NKAIN2: variants seen among roughly 807,000 people sequenced by gnomAD.
The protein encoded by NKAIN2 is sodium/potassium transporting ATPase interacting 2.
Under a neutral mutation model 32.6 loss-of-function variants are expected in NKAIN2, and 14 were observed. The observed-to-expected ratio is 0.43, with a 90% CI of 0.28 to 0.67. NKAIN2 has a LOEUF of 0.67. NKAIN2 is among the 30% of genes least tolerant of loss of function. The pLI, the probability that NKAIN2 is intolerant of heterozygous loss-of-function variation, is 0.17. For synonymous variants in NKAIN2, 80 were observed against 87.2 expected (o/e 0.92, Z 0.46); for missense variants, 198 against 258.3 (o/e 0.77, Z 1.60).
At chr6:124,172,032 T>C (rs999653280) in intron 1 of NKAIN2, among the ~76,000 whole-genome samples, 1 of 150,978 alleles carries the variant, frequency 6.6e-6, no homozygotes, top group Non-Finnish European at 1.5e-5. Context: ...CAGGGTGATC[T>C]CCATCTGGTG....
chr6:124,171,289 T>C (rs1259093705), intron 1 of NKAIN2, among the ~76,000 whole-genome samples: 1 of 152,228 alleles, frequency 6.6e-6, no homozygotes, highest in East Asian at 1.9e-4. Flanking sequence ...CTCTAGCATA[T>C]CTTTCTAATT....
At chr6:123,886,152 G>A (rs1325501732) in intron 1 of NKAIN2, among the ~76,000 whole-genome samples, 2 of 151,992 alleles carry the variant, frequency 1.3e-5, no homozygotes, top group Non-Finnish European at 2.9e-5. Flanking sequence ...CAGATTCACT[G>A]GTGAAAGTAA....
intron 3 of NKAIN2, among the ~76,000 whole-genome samples, chr6:124,547,150 A>G (rs1283201556): frequency 6.6e-6 from 1 of 152,202 alleles, no homozygotes; most frequent in Non-Finnish European, 1.5e-5. Flanking sequence ...TAAAGAAAAA[A>G]GTATTTTCTT....
intron 1 of NKAIN2, among the ~76,000 whole-genome samples, chr6:124,188,052 T>C (rs984171899): frequency 3.3e-5 from 5 of 152,212 alleles, no homozygotes; most frequent in Admixed American, 1.3e-4. Flanking sequence ...AGCCTTATTA[T>C]TCCACATTAC....
At chr6:124,246,181 C>T (rs992351461) in intron 1 of NKAIN2, among the ~76,000 whole-genome samples, 2 of 151,994 alleles carry the variant, frequency 1.3e-5, no homozygotes, top group African/African-American at 2.4e-5. Context: ...TCAATGGTTT[C>T]GGGGATTCTT....
chr6:124,443,179 A>G (rs984055009), intron 3 of NKAIN2, among the ~76,000 whole-genome samples: 2 of 152,000 alleles, frequency 1.3e-5, no homozygotes, highest in African/African-American at 4.8e-5. Context: ...GGGGCTCCTC[A>G]ATTTTTATTG....
At chr6:124,079,479 G>A (rs2114902516) in intron 1 of NKAIN2, among the ~76,000 whole-genome samples, 1 of 152,036 alleles carries the variant, frequency 6.6e-6, no homozygotes, top group Non-Finnish European at 1.5e-5. Context: ...ATAAATCATG[G>A]TCTCATTTGT....
In NKAIN2 at chr6:123,995,998, A is replaced by G. The variant is rs898295781; in HGVS notation, c.54+191744A>G. Among the ~76,000 whole-genome samples, 6 of 152,262 alleles carry G rather than the reference A, an allele frequency of 3.9e-5. No individual in the cohort carries two copies. In the East Asian group the frequency reaches 7.7e-4, roughly 20 times the overall value. On this transcript the variant is annotated intron_variant, in intron 1 of 6. Coordinates refer to ENST00000368417, the MANE Select transcript of NKAIN2 (RefSeq NM_001040214.3). ...ACAAATTGGTTTGCAATCTTGATAG[A>G]TGGGAATGTTTCATTTTTATTACAA...
chr6:123,867,357 CACTTT>C (rs553964012), intron 1 of NKAIN2, among the ~76,000 whole-genome samples: 11 of 152,242 alleles, frequency 7.2e-5, no homozygotes, highest in African/African-American at 2.6e-4. Context: ...ATTCTTTTGT[CACTTT>C]ACTTTTATTA....
chr6:124,183,253 T>C (rs1789539274), intron 1 of NKAIN2, among the ~76,000 whole-genome samples: 1 of 152,074 alleles, frequency 6.6e-6, no homozygotes, highest in South Asian at 2.1e-4. Flanking sequence ...AAGCAAGGCA[T>C]AAATTTAGAA....
intron 1 of NKAIN2, among the ~76,000 whole-genome samples, chr6:124,277,172 CAA>C (rs542090161): frequency 2.1e-3 from 312 of 152,156 alleles, no homozygotes; most frequent in Admixed American, 3.2e-3. Context: ...GGGCAGGAAA[CAA>C]AGAGTGGATG....
At chr6:124,244,771 T>A (rs1036916183) in intron 1 of NKAIN2, among the ~76,000 whole-genome samples, 2 of 151,954 alleles carry the variant, frequency 1.3e-5, no homozygotes, top group African/African-American at 4.8e-5. Context: ...GATACTTAAC[T>A]CTAAATAAAT....
chr6:124,332,956 T>G (rs980148368), intron 2 of NKAIN2, among the ~76,000 whole-genome samples: 2 of 152,238 alleles, frequency 1.3e-5, no homozygotes, highest in African/African-American at 4.8e-5. Context: ...ACAATGGAGT[T>G]AAGACTTAAA....
At chr6:124,644,256 C>T (rs1784087762) in intron 3 of NKAIN2, among the ~76,000 whole-genome samples, 1 of 152,068 alleles carries the variant, frequency 6.6e-6, no homozygotes, top group African/African-American at 2.4e-5. Context: ...TTTTTTATCA[C>T]TATGCTGATG....
chr6:123,985,459 G>T (rs994760607), intron 1 of NKAIN2, among the ~76,000 whole-genome samples: 4 of 152,106 alleles, frequency 2.6e-5, no homozygotes, highest in Admixed American at 6.6e-5. Context: ...ATTCTATAAA[G>T]TTAAGGAACA....
At chr6:123,924,270 TG>T (rs1775906295) in intron 1 of NKAIN2, among the ~76,000 whole-genome samples, 1 of 152,212 alleles carries the variant, frequency 6.6e-6, no homozygotes, top group Non-Finnish European at 1.5e-5. Context: ...GGTGAGTCTT[TG>T]GTCTCTGCCC....
At chr6:124,622,321 A>G (rs953486703) in intron 3 of NKAIN2, among the ~76,000 whole-genome samples, 1 of 152,150 alleles carries the variant, frequency 6.6e-6, no homozygotes, top group Non-Finnish European at 1.5e-5. Context: ...GAGTTCCCTC[A>G]CAGGATATGC....
chr6:124,317,685 T>G (rs1281164550), intron 2 of NKAIN2, among the ~76,000 whole-genome samples: 2 of 152,092 alleles, frequency 1.3e-5, no homozygotes, highest in African/African-American at 4.8e-5. Context: ...TTTCTTAAGT[T>G]ATAGGCCCCT....
chr6:124,359,121 C>T (rs1189349044), intron 3 of NKAIN2, among the ~76,000 whole-genome samples: 3 of 152,172 alleles, frequency 2.0e-5, no homozygotes, highest in African/African-American at 2.4e-5. Flanking sequence ...TGTTCTGTCA[C>T]ATTGGTCTGT....
Sources: allele counts gnomAD v4.1 joint callset (sites outside exome capture counted in the v4.1 genomes callset), GRCh38; gene constraint gnomAD v4.1.1; transcripts MANE v1.5; gene names NCBI Gene and HGNC (gene_info 2026-07-23, HGNC 2026-07-21).